Variants in FRYL observed in about 807,000 individuals in gnomAD.
The protein encoded by FRYL is protein furry homolog-like.
A neutral mutation model predicts 351.2 loss-of-function variants in FRYL; 150 were observed. That is an observed-to-expected ratio of 0.43 (90% CI 0.37 to 0.49). The LOEUF is 0.49. FRYL is among the 20% of genes least tolerant of loss of function. The pLI is 0.00. For synonymous variants in FRYL, 1,153 were observed against 1,257.1 expected, an observed-to-expected ratio of 0.92 and a Z score of 1.75; for missense variants, 3,036 against 3,619.3, an observed-to-expected ratio of 0.84 and a Z score of 4.13.
chr4:48,575,385 G>A (rs1739384946), intron 24 of FRYL, 144 bp from the exon 25 acceptor site: 7 of 827,740 alleles, frequency 8.5e-6, no homozygotes, highest in South Asian at 3.6e-5. Flanking sequence ...CACCTGGGGT[G>A]TACATAACTT....
chr4:48,632,092 A>ATATATATATATATATATATATATG (rs1753202322), intron 4 of FRYL, among the ~76,000 whole-genome samples: 8 of 9,984 alleles, frequency 8.0e-4, no homozygotes, highest in Non-Finnish European at 2.0e-3. Flanking sequence ...AAAAAAAAAA[A>ATATATATATATATATATATATATG]TATATATATA....
chr4:48,594,412 G>C (rs909955783), intron 15 of FRYL, among the ~76,000 whole-genome samples: 1 of 152,022 alleles, frequency 6.6e-6, no homozygotes, highest in Non-Finnish European at 1.5e-5. Flanking sequence ...GGGGTGGGGG[G>C]AAGTTAACTA....
chr4:48,609,621 A>AG (rs909713071), intron 8 of FRYL, 123 bp downstream of exon 8: 20 of 345,928 alleles, frequency 5.8e-5, no homozygotes, highest in Admixed American at 2.6e-4. Context: ...CCTTGCCTCA[A>AG]GAAAAAAAAA....
intron 2 of FRYL, among the ~76,000 whole-genome samples, chr4:48,689,130 G>C (rs1765451792): frequency 6.6e-6 from 1 of 152,104 alleles, no homozygotes; most frequent in Non-Finnish European, 1.5e-5. Flanking sequence ...TGCTGATAAA[G>C]CAATGTTCTC....
chr4:48,736,427 C>A (rs1486763780), intron 1 of FRYL, among the ~76,000 whole-genome samples: 1 of 151,596 alleles, frequency 6.6e-6, no homozygotes, highest in Non-Finnish European at 1.5e-5. Context: ...TTGAGAAGAT[C>A]AATAAAATTG....
intron 58 of FRYL, 93 bp from the exon 59 acceptor site, chr4:48,510,250 G>T (rs940191158): frequency 2.0e-5 from 18 of 916,898 alleles, no homozygotes; most frequent in Non-Finnish European, 3.0e-5. Flanking sequence ...TGGAATAGCT[G>T]TTAGTTGGTT....
intron 3 of FRYL, among the ~76,000 whole-genome samples, chr4:48,668,189 GTGGCC>G: frequency 6.6e-6 from 1 of 152,266 alleles, no homozygotes; most frequent in Non-Finnish European, 1.5e-5. Flanking sequence ...ACAAAGACCT[GTGGCC>G]TGCAAAGCCT....
chr4:48,770,150 T>C (rs1312929263), intron 1 of FRYL, among the ~76,000 whole-genome samples: 1 of 152,184 alleles, frequency 6.6e-6, no homozygotes, highest in Non-Finnish European at 1.5e-5. Context: ...GTTTCCTAGT[T>C]AAGGTTATTA....
At chr4:48,507,712 AGAT>A (rs1553913574) in intron 59 of FRYL, among the ~76,000 whole-genome samples, 58 of 151,174 alleles carry the variant, frequency 3.8e-4, no homozygotes, top group East Asian at 5.8e-4. Flanking sequence ...AAAGATAGAT[AGAT>A]GATAGATAGA....
intron 2 of FRYL, among the ~76,000 whole-genome samples, chr4:48,707,272 A>C (rs1166591966): frequency 6.6e-6 from 1 of 152,218 alleles, no homozygotes; most frequent in Non-Finnish European, 1.5e-5. Context: ...TATATACCCA[A>C]GGAAAAAAAG....
At chr4:48,653,404 T>A (rs1352351561) in intron 3 of FRYL, among the ~76,000 whole-genome samples, 1 of 152,126 alleles carries the variant, frequency 6.6e-6, no homozygotes, top group African/African-American at 2.4e-5. Flanking sequence ...TGTGGTCTTC[T>A]TCCCCCGTCC....
chr4:48,698,501 T>A (rs555185192), intron 2 of FRYL, among the ~76,000 whole-genome samples: 1 of 152,342 alleles, frequency 6.6e-6, no homozygotes, highest in Non-Finnish European at 1.5e-5. Flanking sequence ...AGTGGTTATC[T>A]TGGTATTGCC....
chr4:48,548,641 A>G lies in FRYL; in HGVS notation c.4888+49T>C, dbSNP rs759481170. On this transcript the variant is annotated intron_variant, in intron 40 of 63. Transcript: ENST00000358350. ...TGTCATAAAACCATACTGCTTTTAA[A>G]TTATCATAAAAATATAACATGAAAG... 4 of 1,045,530 alleles carry G rather than the reference A, an allele frequency of 3.8e-6. No individual in the cohort carries two copies. The South Asian group carries it at 4.0e-5, about 11-fold the overall frequency. The allele number at this position is 1,045,530 out of a possible 1,614,324, so 64.8% of individuals were successfully genotyped here.
chr4:48,752,170 A>G (rs931637612), intron 1 of FRYL, among the ~76,000 whole-genome samples: 18 of 152,242 alleles, frequency 1.2e-4, no homozygotes, highest in African/African-American at 4.1e-4. Context: ...ACTCACATCC[A>G]AAAGACTCAC....
chr4:48,529,025 G>A (rs1726922568), intron 50 of FRYL, among the ~76,000 whole-genome samples: 1 of 151,980 alleles, frequency 6.6e-6, no homozygotes, highest in African/African-American at 2.4e-5. Context: ...CCTCAACTAC[G>A]ACCACTTCCC....
chr4:48,757,083 T>C (rs1482883453), intron 1 of FRYL, among the ~76,000 whole-genome samples: 2 of 152,180 alleles, frequency 1.3e-5, no homozygotes, highest in African/African-American at 2.4e-5. Context: ...TCTGTGCATA[T>C]TCCAAGGTAG....
At chr4:48,710,425 T>A in intron 2 of FRYL, 94 bp downstream of exon 2, 1 of 398,048 alleles carries the variant, frequency 2.5e-6, no homozygotes, top group Non-Finnish European at 4.4e-6. Context: ...CACTTTTAGA[T>A]TTGATTTAGA....
At chr4:48,576,000 T>G (rs779619589) in intron 24 of FRYL, 30 bp downstream of exon 24, 1 of 1,466,684 alleles carries the variant, frequency 6.8e-7, no homozygotes, top group South Asian at 1.4e-5. Flanking sequence ...TCAGATTTCA[T>G]ATATCCAACA....
chr4:48,632,929 G>C (rs985880372), intron 4 of FRYL, among the ~76,000 whole-genome samples: 43 of 152,044 alleles, frequency 2.8e-4, no homozygotes, highest in Non-Finnish European at 5.3e-4. Flanking sequence ...ACTATAACAG[G>C]CTGAGTAAGC....
Sources: allele counts gnomAD v4.1 joint callset (sites outside exome capture counted in the v4.1 genomes callset), GRCh38; gene constraint gnomAD v4.1.1; transcripts MANE v1.5; gene names NCBI Gene and HGNC (gene_info 2026-07-23, HGNC 2026-07-21).